The following PLXDC2 variants were observed in gnomAD, a reference collection of about 807,000 sequenced individuals.
PLXDC2 encodes plexin domain-containing protein 2.
Under a neutral mutation model 68.9 loss-of-function variants are expected in PLXDC2, and 40 were observed. The ratio of observed to expected loss-of-function variants is 0.58; its 90% confidence interval spans 0.45 to 0.76. The LOEUF (loss-of-function observed/expected upper bound fraction) is 0.76, where lower values mean the gene tolerates loss of function less well. Ranked by LOEUF, PLXDC2 falls within the 30% of genes least tolerant of loss-of-function variation. The pLI is 0.00. For missense variants in PLXDC2, 644 were observed against 661.9 expected (o/e 0.97, Z 0.30); for synonymous variants, 243 against 234.2 (o/e 1.04, Z -0.34).
chr10:19,890,888 C>T (rs1319900744), intron 1 of PLXDC2, among the ~76,000 whole-genome samples: 2 of 151,846 alleles, frequency 1.3e-5, no homozygotes, highest in Non-Finnish European at 2.9e-5. Flanking sequence ...ATATATGCTC[C>T]CTGCTTGTAG....
intron 1 of PLXDC2, among the ~76,000 whole-genome samples, chr10:19,863,377 G>A (rs913049): frequency 0.56 from 84,991 of 152,048 alleles, 23,970 homozygotes; most frequent in East Asian, 0.69. Flanking sequence ...TGCAGGGCTG[G>A]TACGTTGCAC....
intron 2 of PLXDC2, among the ~76,000 whole-genome samples, chr10:20,039,915 A>G (rs991056037): frequency 6.6e-6 from 1 of 152,172 alleles, no homozygotes; most frequent in African/African-American, 2.4e-5. Flanking sequence ...AATAGATGCA[A>G]CTTTCTAAAA....
At chr10:19,920,856 C>T (rs936619730) in intron 1 of PLXDC2, among the ~76,000 whole-genome samples, 1 of 152,132 alleles carries the variant, frequency 6.6e-6, no homozygotes, top group Non-Finnish European at 1.5e-5. Context: ...CCATGCCCAG[C>T]CTTTATTCTG....
At chr10:20,197,364 TG>T (rs202038892) in intron 9 of PLXDC2, among the ~76,000 whole-genome samples, 2,557 of 152,244 alleles carry the variant, frequency 0.017, 71 homozygotes, top group African/African-American at 0.058. Context: ...GTTTTTTGTT[TG>T]TTTGTTTGTT....
chr10:19,846,326 A>G (rs1837010146), intron 1 of PLXDC2, among the ~76,000 whole-genome samples: 1 of 152,150 alleles, frequency 6.6e-6, no homozygotes. Context: ...GTGATTTGAT[A>G]TTTTTACCAC....
In PLXDC2 at chr10:20,233,223, T is replaced by C. The variant is rs115860416; in HGVS notation, c.1313-12122T>C. On this transcript the variant is annotated intron_variant, in intron 12 of 13. Transcript: ENST00000377252. ...AGAAGAAGTTAAGGTTCCCTTGGGC[T>C]TTAAAACTCTGTGATTTGCTGGCCG... Among the ~76,000 whole-genome samples, 829 of 152,198 alleles carry C rather than the reference T, an allele frequency of 5.4e-3. 9 individuals carry two copies. Among genetic ancestry groups the C allele is most frequent in the African/African-American group, 0.019 (790 of 41,528 alleles).
chr10:20,056,220 A>G (rs77166394), intron 3 of PLXDC2, among the ~76,000 whole-genome samples: 2,127 of 152,298 alleles, frequency 0.014, 55 homozygotes, highest in African/African-American at 0.049. Context: ...AATTCATTTT[A>G]CTTGAATTAT....
At chr10:19,914,599 G>C (rs1266285518) in intron 1 of PLXDC2, among the ~76,000 whole-genome samples, 1 of 152,138 alleles carries the variant, frequency 6.6e-6, no homozygotes, top group Non-Finnish European at 1.5e-5. Context: ...ATAGTAAAGA[G>C]AAAAGCGAAC....
At chr10:20,217,649 T>A in intron 11 of PLXDC2, 73 bp downstream of exon 11, 2 of 1,439,242 alleles carry the variant, frequency 1.4e-6, no homozygotes, top group Non-Finnish European at 1.8e-6. Context: ...AAAATCACTG[T>A]GTTGACATGT....
intron 4 of PLXDC2, among the ~76,000 whole-genome samples, chr10:20,135,262 T>C (rs1052229195): frequency 5.3e-5 from 8 of 152,214 alleles, no homozygotes; most frequent in African/African-American, 1.9e-4. Flanking sequence ...GCCAGTTCAA[T>C]GTCTCCATGA....
Position 20,285,145 on chromosome 10 carries a change from T to A in PLXDC2, c.*5326T>A, listed in dbSNP as rs1004175278. ...AATTTTTATTTGCTCTTCAAACTAT[T>A]ACAACATTTTTGTCCTTATAAGGTT... On this transcript the variant is annotated 3_prime_UTR_variant, in exon 14 of 14. Transcript: ENST00000377252. 2.6e-5 allele frequency: 4 copies of A among 152,240 alleles called. No homozygotes were observed. The highest frequency in any genetic ancestry group is 4.8e-5 in the African/African-American group (2 of 41,458). 9.4% of individuals were successfully genotyped at this position (152,240 alleles called of 1,614,324 possible).
chr10:20,280,664 G>T lies in PLXDC2; in HGVS notation c.*845G>T, dbSNP rs1836070361. 6.6e-6 allele frequency: 1 copy of T among 152,072 alleles called. No homozygotes were observed. The highest frequency in any genetic ancestry group is 2.4e-5 in the African/African-American group (1 of 41,416). The allele number at this position is 152,072 out of a possible 1,614,324, so 9.4% of individuals were successfully genotyped here. On this transcript the variant is annotated 3_prime_UTR_variant, in exon 14 of 14. Transcript: ENST00000377252. The stretch of plus-strand genomic sequence containing the variant: ...TGTTAAGTCCCATGAAACCACAGTT[G>T]CTCTGGGCTGATGGAAACAAAAGGA...
chr10:20,247,260 G>C (rs12218347), intron 13 of PLXDC2, among the ~76,000 whole-genome samples: 36,543 of 144,168 alleles, frequency 0.25, 4,687 homozygotes, highest in African/African-American at 0.32. Context: ...AGGAGTTTGG[G>C]ACCAGCCTGG....
intron 2 of PLXDC2, among the ~76,000 whole-genome samples, chr10:20,028,358 A>C (rs929828785): frequency 1.3e-5 from 2 of 152,186 alleles, no homozygotes; most frequent in African/African-American, 4.8e-5. Context: ...GTCCCACTTT[A>C]AGCATGTATC....
intron 12 of PLXDC2, among the ~76,000 whole-genome samples, chr10:20,220,352 A>T (rs1835193047): frequency 6.6e-6 from 1 of 152,188 alleles, no homozygotes; most frequent in Non-Finnish European, 1.5e-5. Flanking sequence ...TTGAGGGAAG[A>T]GATGGGGTAT....
At chr10:19,998,195 C>T (rs1460486677) in intron 1 of PLXDC2, among the ~76,000 whole-genome samples, 3 of 152,142 alleles carry the variant, frequency 2.0e-5, no homozygotes, top group African/African-American at 7.2e-5. Flanking sequence ...CATCTTGCTT[C>T]TGAGTAATTT....
intron 1 of PLXDC2, among the ~76,000 whole-genome samples, chr10:19,836,122 A>G (rs1357730568): frequency 6.6e-6 from 1 of 152,084 alleles, no homozygotes; most frequent in Admixed American, 6.5e-5. Context: ...GGCTGCAGTG[A>G]GCCAAGATTG....
intron 1 of PLXDC2, among the ~76,000 whole-genome samples, chr10:19,962,355 T>TTTTTTTG: frequency 9.0e-6 from 1 of 111,294 alleles, no homozygotes; most frequent in Non-Finnish European, 1.9e-5. Context: ...TTTTTTTTTT[T>TTTTTTTG]GAGATGGAGT....
chr10:20,209,622 C>T (rs1448994443), intron 9 of PLXDC2, among the ~76,000 whole-genome samples: 3 of 152,090 alleles, frequency 2.0e-5, no homozygotes, highest in African/African-American at 7.2e-5. Context: ...CCCGGCTCAC[C>T]AGCAGTCAGA....
Sources: gnomAD v4.1 joint callset for allele counts (sites outside exome capture counted in the v4.1 genomes callset) on GRCh38, gnomAD v4.1.1 for gene constraint, MANE v1.5 for transcripts, NCBI Gene and HGNC (gene_info 2026-07-23, HGNC 2026-07-21) for gene names.